The following ANGPT2 variants were observed in gnomAD, a reference collection of about 807,000 sequenced individuals.
The protein encoded by ANGPT2 is angiopoietin-2.
Under a neutral mutation model 62.9 loss-of-function variants are expected in ANGPT2, and 28 were observed. That is an observed-to-expected ratio of 0.44 (90% CI 0.33 to 0.61). ANGPT2 has a LOEUF of 0.61. Ranked by LOEUF, ANGPT2 falls within the 20% of genes least tolerant of loss-of-function variation. The probability of loss-of-function intolerance (pLI) is 0.03; values close to 1 mark genes in which losing one functional copy is unlikely to be tolerated. For missense variants in ANGPT2, 727 were observed against 594.9 expected, an observed-to-expected ratio of 1.22 and a Z score of -2.31; for synonymous variants, 284 against 207.8, an observed-to-expected ratio of 1.37 and a Z score of -3.15.
chr8:6,562,636 T>G lies in ANGPT2; in HGVS notation c.288+11A>C, dbSNP rs1314743996. ...AGCATGTTCACAAAGACAGATGGAT[T>G]TTTTTCCTACCTTCATTAGCCACTG... On this transcript the variant is annotated intron_variant, in intron 1 of 8. Coordinates refer to ENST00000629816, the MANE Select transcript of ANGPT2 (RefSeq NM_001118887.2). 1.5e-6 allele frequency: 2 copies of G among 1,345,690 alleles called. No homozygotes were observed. The highest frequency in any genetic ancestry group is 9.9e-7 in the Non-Finnish European group (1 of 1,005,058). 83.4% of individuals were successfully genotyped at this position (1,345,690 alleles called of 1,614,324 possible).
At chr8:6,526,257 TAAAAAAA>T (rs35519559) in intron 3 of ANGPT2, among the ~76,000 whole-genome samples, 28 of 77,502 alleles carry the variant, frequency 3.6e-4, no homozygotes, top group South Asian at 1.2e-3. Context: ...TTGCCTCTAC[TAAAAAAA>T]AAAAAAAAAA....
intron 1 of ANGPT2, among the ~76,000 whole-genome samples, chr8:6,533,437 C>T (rs771714400): frequency 2.6e-5 from 4 of 152,146 alleles, no homozygotes; most frequent in Non-Finnish European, 4.4e-5. Context: ...GTTGCTTAAC[C>T]TTTTGGGACC....
intron 5 of ANGPT2, 73 bp from the exon 6 acceptor site, chr8:6,514,851 A>G: frequency 7.6e-7 from 1 of 1,312,468 alleles, no homozygotes; most frequent in South Asian, 1.2e-5. Flanking sequence ...AGCAGGAGGA[A>G]TGTAGACCCT....
chr8:6,532,570 T>C, intron 1 of ANGPT2, 83 bp from the exon 2 acceptor site: 1 of 761,798 alleles, frequency 1.3e-6, no homozygotes, highest in Non-Finnish European at 1.8e-6. Context: ...CTCCTCCCTA[T>C]CTTTAAAAAA....
chr8:6,516,496 T>C (rs374283187), intron 5 of ANGPT2, among the ~76,000 whole-genome samples: 283 of 152,196 alleles, frequency 1.9e-3, no homozygotes, highest in Non-Finnish European at 2.6e-3. Flanking sequence ...GACCCTTTGG[T>C]AAATAGGCCA....
intron 3 of ANGPT2, among the ~76,000 whole-genome samples, chr8:6,522,157 T>C (rs1029209285): frequency 2.0e-4 from 30 of 150,966 alleles, no homozygotes; most frequent in South Asian, 1.5e-3. Context: ...AGATTGAGAG[T>C]ATCCTGGCTA....
intron 1 of ANGPT2, among the ~76,000 whole-genome samples, chr8:6,555,345 A>G (rs1439920294): frequency 6.6e-6 from 1 of 152,198 alleles, no homozygotes; most frequent in Non-Finnish European, 1.5e-5. Flanking sequence ...TGTGAAATCC[A>G]GCGTTTCCCC....
chr8:6,537,267 C>T (rs773231773), intron 1 of ANGPT2, among the ~76,000 whole-genome samples: 5 of 152,042 alleles, frequency 3.3e-5, no homozygotes, highest in Non-Finnish European at 4.4e-5. Context: ...TGAATAGGTC[C>T]TGCTGTATAT....
intron 5 of ANGPT2, among the ~76,000 whole-genome samples, chr8:6,517,967 G>T (rs1388872362): frequency 2.0e-5 from 3 of 152,154 alleles, no homozygotes; most frequent in African/African-American, 7.2e-5. Context: ...TTCTTTTACT[G>T]CAAATGTTTA....
intron 2 of ANGPT2, 125 bp downstream of exon 2, chr8:6,532,207 A>G: frequency 4.5e-6 from 5 of 1,118,888 alleles, no homozygotes; most frequent in Non-Finnish European, 6.5e-6. Context: ...TTATCAATTC[A>G]TTCCTTTTCT....
chr8:6,543,740 C>T (rs911755564), intron 1 of ANGPT2, among the ~76,000 whole-genome samples: 5 of 152,090 alleles, frequency 3.3e-5, no homozygotes, highest in Admixed American at 1.3e-4. Context: ...GATGATCTGT[C>T]CCTTCGACCT....
At chr8:6,510,622 A>T (rs1393735234) in intron 7 of ANGPT2, among the ~76,000 whole-genome samples, 1 of 152,234 alleles carries the variant, frequency 6.6e-6, no homozygotes. Flanking sequence ...ACTGAGGTTC[A>T]GAGATATAAA....
intron 8 of ANGPT2, among the ~76,000 whole-genome samples, chr8:6,506,429 C>T (rs2442468): frequency 1.3e-5 from 2 of 151,988 alleles, no homozygotes; most frequent in African/African-American, 4.8e-5. Flanking sequence ...CTTGATTTGC[C>T]TAAGTAAATA....
intron 7 of ANGPT2, 91 bp from the exon 8 acceptor site, chr8:6,509,153 A>G: frequency 1.3e-6 from 2 of 1,517,646 alleles, no homozygotes; most frequent in Non-Finnish European, 1.8e-6. Context: ...TCCATTCTAC[A>G]GAAGCGTGTT....
At chr8:6,534,376 G>A (rs1039334112) in intron 1 of ANGPT2, among the ~76,000 whole-genome samples, 1 of 152,108 alleles carries the variant, frequency 6.6e-6, no homozygotes, top group Non-Finnish European at 1.5e-5. Flanking sequence ...CTGTTTTACG[G>A]AAGAGGCTTG....
At chr8:6,550,092 T>G (rs1586566916) in intron 1 of ANGPT2, among the ~76,000 whole-genome samples, 3 of 152,336 alleles carry the variant, frequency 2.0e-5, no homozygotes, top group Middle Eastern at 3.4e-3. Context: ...TACAACGCTG[T>G]CTTCAAAAGA....
rs1200346713 is a variant in ANGPT2, at chr8:6,513,655, T to G, written c.1196+23A>C. 3.2e-6 allele frequency: 5 copies of G among 1,587,192 alleles called. No homozygotes were observed. In the African/African-American group the frequency reaches 5.5e-5, roughly 17 times the overall value. On this transcript the variant is annotated intron_variant, in intron 7 of 8. Transcript: ENST00000629816. ...GCCACAAATCTTTTAATTTTTTCTTTCAATTACCATGAACTCACTTACCTA... is the reference window on the plus strand; with the variant it reads ...GCCACAAATCTTTTAATTTTTTCTTGCAATTACCATGAACTCACTTACCTA...
At chr8:6,510,541 C>G (rs1814836438) in intron 7 of ANGPT2, among the ~76,000 whole-genome samples, 1 of 152,190 alleles carries the variant, frequency 6.6e-6, no homozygotes, top group South Asian at 2.1e-4. Flanking sequence ...GGTGCTTACA[C>G]CTGCATGCAC....
Position 6,547,852 on chromosome 8 carries a change from T to G in ANGPT2, c.288+14795A>C, listed in dbSNP as rs569178238. ...GCAGAGGTTTTCCTATTGTTAGGTT[T>G]GTTTGTTTGTTTCAGTGAGTCATCT... On this transcript the variant is annotated intron_variant, in intron 1 of 8. Coordinates refer to ENST00000629816, the MANE Select transcript of ANGPT2 (RefSeq NM_001118887.2). Among the ~76,000 whole-genome samples the G allele has an allele frequency of 4.6e-5, 7 of 151,692 alleles. No individual in the cohort carries two copies. In the South Asian group the frequency reaches 1.5e-3, roughly 32 times the overall value.
Sources: gnomAD v4.1 joint callset for allele counts (sites outside exome capture counted in the v4.1 genomes callset) on GRCh38, gnomAD v4.1.1 for gene constraint, MANE v1.5 for transcripts, NCBI Gene and HGNC (gene_info 2026-07-23, HGNC 2026-07-21) for gene names.